CCL28: variants seen among roughly 807,000 people sequenced by gnomAD.
CCL28 encodes the protein C-C motif chemokine ligand 28.
In CCL28, 4 loss-of-function variants were observed where a neutral mutation model predicts 7.1. The ratio of observed to expected loss-of-function variants is 0.56; its 90% CI spans 0.28 to 1.29. The LOEUF (loss-of-function observed/expected upper bound fraction) is 1.29, where lower values mean the gene tolerates loss of function less well. CCL28 is among the 50% of genes most tolerant of loss of function. The pLI is 0.11. For synonymous variants in CCL28, 55 were observed against 57.8 expected, an observed-to-expected ratio of 0.95 and a Z score of 0.22; for missense variants, 151 against 163.4, an observed-to-expected ratio of 0.92 and a Z score of 0.41.
At chr5:43,393,662 C>T (rs1383862961) in intron 1 of CCL28, among the ~76,000 whole-genome samples, 3 of 150,264 alleles carry the variant, frequency 2.0e-5, no homozygotes, top group Non-Finnish European at 4.5e-5. Context: ...GCCTCCTTTC[C>T]TCCATTCTTA....
At position 43,380,880 on chromosome 5, in the gene CCL28, T is replaced by C. The variant is rs1288456244; in HGVS notation, c.*980A>G. 6.6e-6 allele frequency: 1 copy of C among 151,334 alleles called. No homozygotes were observed. The highest frequency in any genetic ancestry group is 1.5e-5 in the Non-Finnish European group (1 of 67,866). 9.4% of individuals were successfully genotyped at this position (151,334 alleles called of 1,614,324 possible). A position where few individuals can be genotyped will look rare whatever the true frequency, so the allele number is the denominator to read the frequency against. ...TAGATTGAAAGATATTAAAGAAAAA[T>C]AACAATTATTTGCAATATGTATGTC... On this transcript the variant is annotated 3_prime_UTR_variant, in exon 3 of 3. Transcript: ENST00000361115.
At chr5:43,361,037 A>T in the CCL28 span, among the ~76,000 whole-genome samples, 219 of 152,250 alleles carry the variant, frequency 1.4e-3, no homozygotes, top group African/African-American at 5.2e-3. Flanking sequence ...TGTTCTCATC[A>T]TTCAGCTCCC....
intron 1 of CCL28, among the ~76,000 whole-genome samples, chr5:43,389,433 T>A (rs1740476797): frequency 6.6e-6 from 1 of 152,196 alleles, no homozygotes; most frequent in East Asian, 1.9e-4. Context: ...CACCCATTCA[T>A]CCACCCATCT....
At chr5:43,360,291 CT>C in the CCL28 span, among the ~76,000 whole-genome samples, 5 of 151,822 alleles carry the variant, frequency 3.3e-5, no homozygotes, top group East Asian at 1.9e-4. Flanking sequence ...TTTTTGGGGA[CT>C]TTTTTTTAAT....
In CCL28 at chr5:43,381,618, C is replaced by T. The variant is rs1740119167; in HGVS notation, c.*242G>A. Reference sequence around the variant, plus strand: ...CAAGTGATCCTCCTGCCTCAGCCTCCCGAAGTGCTGGGATAAAAGGTGTGA... The same window carrying T: ...CAAGTGATCCTCCTGCCTCAGCCTCTCGAAGTGCTGGGATAAAAGGTGTGA... On this transcript the variant is annotated 3_prime_UTR_variant, in exon 3 of 3. Coordinates refer to ENST00000361115, the MANE Select transcript of CCL28 (RefSeq NM_148672.3). 2.6e-6 allele frequency: 1 copy of T among 378,526 alleles called. No homozygotes were observed. Among genetic ancestry groups the T allele is most frequent in the Non-Finnish European group, 4.7e-6 (1 of 212,196 alleles). The allele number at this position is 378,526 out of a possible 1,614,324, so 23.4% of individuals were successfully genotyped here. A position where few individuals can be genotyped will look rare whatever the true frequency, so the allele number is the denominator to read the frequency against.
At chr5:43,385,011 C>A (rs1339315369) in intron 2 of CCL28, among the ~76,000 whole-genome samples, 2 of 152,130 alleles carry the variant, frequency 1.3e-5, no homozygotes, top group African/African-American at 4.8e-5. Flanking sequence ...ATTCTCCTGC[C>A]TCAGCCTCCC....
At chr5:43,358,727 A>G in the CCL28 span, among the ~76,000 whole-genome samples, 1 of 152,234 alleles carries the variant, frequency 6.6e-6, no homozygotes, top group Non-Finnish European at 1.5e-5. Flanking sequence ...CAATCTTTTA[A>G]GCAAATTTAA....
At chr5:43,382,819 T>G (rs1251820132) in intron 2 of CCL28, among the ~76,000 whole-genome samples, 1 of 151,992 alleles carries the variant, frequency 6.6e-6, no homozygotes, top group South Asian at 2.1e-4. Context: ...TTTCTTTTCT[T>G]TTTTTTTGTT....
At chr5:43,402,683 C>G (rs1386426493) in intron 1 of CCL28, among the ~76,000 whole-genome samples, 2 of 152,108 alleles carry the variant, frequency 1.3e-5, no homozygotes, top group African/African-American at 4.8e-5. Flanking sequence ...GGGTGCAGTC[C>G]ATGGAGCGTG....
chr5:43,389,819 T>A (rs1740497851), intron 1 of CCL28, among the ~76,000 whole-genome samples: 2 of 152,132 alleles, frequency 1.3e-5, no homozygotes, highest in Non-Finnish European at 2.9e-5. Context: ...ACTAGTGCCC[T>A]CCAGAGGAAG....
the CCL28 span, among the ~76,000 whole-genome samples, chr5:43,370,370 G>A: frequency 2.1e-4 from 31 of 151,146 alleles, no homozygotes; most frequent in South Asian, 8.4e-4. Flanking sequence ...TCATGACTAC[G>A]CATATCAATG....
At chr5:43,404,081 C>CTCT (rs1741160951) in intron 1 of CCL28, among the ~76,000 whole-genome samples, 1 of 152,238 alleles carries the variant, frequency 6.6e-6, no homozygotes, top group Admixed American at 6.5e-5. Context: ...TTGGAAAACA[C>CTCT]TCTTCAGGAT....
intron 1 of CCL28, 135 bp from the exon 2 acceptor site, chr5:43,388,611 C>G: frequency 1.3e-6 from 1 of 792,616 alleles, no homozygotes. Context: ...TGAATACAGA[C>G]TTGGGGCAGG....
At chr5:43,406,613 T>A (rs1366943062) in intron 1 of CCL28, among the ~76,000 whole-genome samples, 3 of 152,142 alleles carry the variant, frequency 2.0e-5, no homozygotes, top group Admixed American at 6.5e-5. Flanking sequence ...TCTCTCACCT[T>A]CCTATTCATC....
intron 1 of CCL28, among the ~76,000 whole-genome samples, chr5:43,409,343 T>C (rs1741440783): frequency 6.6e-6 from 1 of 152,106 alleles, no homozygotes; most frequent in Non-Finnish European, 1.5e-5. Flanking sequence ...GGAGAATTGC[T>C]TGAACCCAGG....
In CCL28 at chr5:43,380,517, T is replaced by G. The variant is rs1401922618; in HGVS notation, c.*1343A>C. On this transcript the variant is annotated 3_prime_UTR_variant, in exon 3 of 3. Coordinates refer to ENST00000361115, the MANE Select transcript of CCL28 (RefSeq NM_148672.3). Reference sequence around the variant, plus strand: ...CTGAATTTGATCACAAGAAAATAATTAGGCCAGGCACTGTGGCTCACACCT... The same window carrying G: ...CTGAATTTGATCACAAGAAAATAATGAGGCCAGGCACTGTGGCTCACACCT... The G allele has an allele frequency of 6.6e-6, 1 of 152,144 alleles. No individual in the cohort carries two copies. The highest frequency in any genetic ancestry group is 1.5e-5 in the Non-Finnish European group (1 of 68,040). 9.4% of individuals were successfully genotyped at this position (152,144 alleles called of 1,614,324 possible). A position where few individuals can be genotyped will look rare whatever the true frequency, so the allele number is the denominator to read the frequency against.
the CCL28 span, among the ~76,000 whole-genome samples, chr5:43,360,515 T>C: frequency 1.3e-5 from 2 of 152,196 alleles, no homozygotes; most frequent in African/African-American, 4.8e-5. Context: ...CGTGAGAACA[T>C]GTGGTATTTG....
At chr5:43,360,871 G>A in the CCL28 span, among the ~76,000 whole-genome samples, 1 of 151,998 alleles carries the variant, frequency 6.6e-6, no homozygotes, top group African/African-American at 2.4e-5. Context: ...GGATGTGCAG[G>A]TTTGTTACAT....
the CCL28 span, among the ~76,000 whole-genome samples, chr5:43,358,988 GAAT>G: frequency 1.3e-5 from 2 of 152,176 alleles, no homozygotes; most frequent in African/African-American, 2.4e-5. Context: ...TATAAAGCCA[GAAT>G]AATAATAATC....
Sources: allele counts gnomAD v4.1 joint callset (sites outside exome capture counted in the v4.1 genomes callset), GRCh38; gene constraint gnomAD v4.1.1; transcripts MANE v1.5; gene names NCBI Gene and HGNC (gene_info 2026-07-23, HGNC 2026-07-21).